Variants in DLG2 observed in about 807,000 individuals in gnomAD.
The protein encoded by DLG2 is discs large MAGUK scaffold protein 2.
In DLG2, 45 loss-of-function variants were observed where a neutral mutation model predicts 132.5. That is an observed-to-expected ratio of 0.34 (90% CI 0.27 to 0.44). The LOEUF (loss-of-function observed/expected upper bound fraction) is 0.44, where lower values mean the gene tolerates loss of function less well. DLG2 is among the 20% of genes least tolerant of loss of function. The probability of loss-of-function intolerance (pLI) is 1.00; values close to 1 mark genes in which losing one functional copy is unlikely to be tolerated. For missense variants in DLG2, 1,045 were observed against 1,196.9 expected, an observed-to-expected ratio of 0.87 and a Z score of 1.87; for synonymous variants, 424 against 419.6, an observed-to-expected ratio of 1.01 and a Z score of -0.13.
intron 7 of DLG2, among the ~76,000 whole-genome samples, chr11:84,485,071 G>C (rs2099147402): frequency 6.6e-6 from 1 of 152,028 alleles, no homozygotes; most frequent in African/African-American, 2.4e-5. Context: ...TTAAGTAATT[G>C]ATTGCACAGC....
chr11:83,834,206 T>C (rs1019379433), intron 16 of DLG2, among the ~76,000 whole-genome samples: 1 of 152,194 alleles, frequency 6.6e-6, no homozygotes, highest in African/African-American at 2.4e-5. Flanking sequence ...TGACTGTTAA[T>C]TAAAATTTAC....
In DLG2 at chr11:84,098,936, C is replaced by A; in HGVS notation, c.736G>T (p.Asp246Tyr). Reference sequence around the variant, plus strand: ...TCAGATCTTTACCTGAGTCTGCCATCCTCTGCTGCAGCACCTCCTGGTATA... The same window carrying A: ...TCAGATCTTTACCTGAGTCTGCCATACTCTGCTGCAGCACCTCCTGGTATA... ...KIIPGGAAAE[D>Y]GRLRVNDCIL... The change falls in exon 10 of 28, where the codon GAT (aspartate) becomes TAT (tyrosine). Residue 246 changes from aspartate (D) to tyrosine (Y), a missense_variant. Asp to Tyr is a radical substitution (Grantham distance 160). Coordinates refer to ENST00000376104, the MANE Select transcript of DLG2 (RefSeq NM_001142699.3). 1 of 1,613,206 alleles carries A rather than the reference C, an allele frequency of 6.2e-7. No homozygotes were observed. The highest frequency in any genetic ancestry group is 8.5e-7 in the Non-Finnish European group (1 of 1,179,680).
At chr11:83,734,523 T>G (rs572921280) in intron 18 of DLG2, among the ~76,000 whole-genome samples, 1 of 152,214 alleles carries the variant, frequency 6.6e-6, no homozygotes, top group Admixed American at 6.5e-5. Context: ...CTATCTTGGC[T>G]CACTGCAACC....
At chr11:85,409,973 T>C (rs1597069086) in intron 3 of DLG2, among the ~76,000 whole-genome samples, 1 of 151,862 alleles carries the variant, frequency 6.6e-6, no homozygotes, top group Non-Finnish European at 1.5e-5. Flanking sequence ...AGACAAAAGA[T>C]ACAATTTGAT....
chr11:83,491,862 C>T (rs1213700248), intron 21 of DLG2, among the ~76,000 whole-genome samples: 1 of 151,812 alleles, frequency 6.6e-6, no homozygotes, highest in Non-Finnish European at 1.5e-5. Flanking sequence ...AAAGTTATCC[C>T]TTCTTCTCTT....
intron 3 of DLG2, among the ~76,000 whole-genome samples, chr11:85,385,887 C>T (rs537792238): frequency 3.9e-5 from 6 of 152,240 alleles, no homozygotes; most frequent in African/African-American, 9.6e-5. Flanking sequence ...AAACAATGCA[C>T]CTCTAAAATA....
At chr11:85,424,240 A>T (rs2090542829) in intron 3 of DLG2, among the ~76,000 whole-genome samples, 1 of 152,016 alleles carries the variant, frequency 6.6e-6, no homozygotes, top group Non-Finnish European at 1.5e-5. Context: ...CACTTTCACA[A>T]TTTGGGCACT....
chr11:85,505,988 T>C lies in DLG2; in HGVS notation c.40+92669A>G, dbSNP rs192834306. ...CAGGAATTTATCCATTTCTTCTAGA[T>C]TTTCTAATTTATTTGCATAGAGGTG... On this transcript the variant is annotated intron_variant, in intron 3 of 27. Transcript: ENST00000376104. Among the ~76,000 whole-genome samples the C allele has an allele frequency of 5.9e-5, 9 of 152,332 alleles. No homozygotes were observed. The East Asian group carries it at 1.7e-3, about 29-fold the overall frequency.
At chr11:83,855,485 T>C (rs1367946024) in intron 16 of DLG2, among the ~76,000 whole-genome samples, 1 of 152,184 alleles carries the variant, frequency 6.6e-6, no homozygotes, top group Non-Finnish European at 1.5e-5. Context: ...GGAACATTAT[T>C]CATCACCAAA....
chr11:85,358,262 A>G (rs758237015), intron 3 of DLG2, among the ~76,000 whole-genome samples: 10 of 152,152 alleles, frequency 6.6e-5, no homozygotes, highest in Non-Finnish European at 1.5e-4. Context: ...CTTCAATTAC[A>G]TGGTGTTCAT....
intron 2 of DLG2, among the ~76,000 whole-genome samples, chr11:85,606,632 C>T (rs1403456768): frequency 6.6e-6 from 1 of 152,156 alleles, no homozygotes; most frequent in Non-Finnish European, 1.5e-5. Flanking sequence ...AGGTCCCCTT[C>T]CACACTGTGG....
chr11:84,175,866 A>G (rs2095948961), intron 8 of DLG2, among the ~76,000 whole-genome samples: 1 of 151,918 alleles, frequency 6.6e-6, no homozygotes, highest in South Asian at 2.1e-4. Context: ...ATTTTATTTC[A>G]CCTTTTTCAA....
At chr11:84,454,021 G>A (rs2099058674) in intron 7 of DLG2, among the ~76,000 whole-genome samples, 1 of 151,492 alleles carries the variant, frequency 6.6e-6, no homozygotes, top group South Asian at 2.1e-4. Flanking sequence ...TCAAATAAAG[G>A]CTTTATTCAT....
At chr11:84,681,209 C>G (rs2099728957) in intron 6 of DLG2, among the ~76,000 whole-genome samples, 1 of 152,188 alleles carries the variant, frequency 6.6e-6, no homozygotes. Context: ...TCCTGAGGAC[C>G]ACTTCAAACT....
intron 6 of DLG2, among the ~76,000 whole-genome samples, chr11:84,684,820 T>A (rs565942801): frequency 5.0e-4 from 76 of 152,326 alleles, no homozygotes; most frequent in African/African-American, 1.7e-3. Context: ...ATCTAATAAC[T>A]CATGGTTACT....
intron 3 of DLG2, among the ~76,000 whole-genome samples, chr11:85,456,745 G>A (rs2092436319): frequency 6.6e-6 from 1 of 152,060 alleles, no homozygotes; most frequent in Non-Finnish European, 1.5e-5. Context: ...TTCAAGAGTA[G>A]GTTGTTTCAT....
intron 19 of DLG2, among the ~76,000 whole-genome samples, chr11:83,545,467 C>A (rs981174074): frequency 6.6e-6 from 1 of 152,112 alleles, no homozygotes; most frequent in African/African-American, 2.4e-5. Flanking sequence ...TGAAAGACAT[C>A]TAAAATATCT....
intron 18 of DLG2, among the ~76,000 whole-genome samples, chr11:83,745,023 T>C (rs1046144004): frequency 2.0e-5 from 3 of 152,218 alleles, no homozygotes; most frequent in Non-Finnish European, 4.4e-5. Context: ...CTCATACCTG[T>C]CATCAGCAAT....
At chr11:84,913,299 A>G (rs2092240250) in intron 6 of DLG2, among the ~76,000 whole-genome samples, 1 of 152,186 alleles carries the variant, frequency 6.6e-6, no homozygotes. Flanking sequence ...TGCATGAAGT[A>G]TGTATTTTTT....
Sources: allele counts gnomAD v4.1 joint callset (sites outside exome capture counted in the v4.1 genomes callset), GRCh38; gene constraint gnomAD v4.1.1; transcripts MANE v1.5; gene names NCBI Gene and HGNC (gene_info 2026-07-23, HGNC 2026-07-21).